Variants in SSBP3 observed in about 807,000 individuals in gnomAD.
SSBP3 encodes single-stranded DNA-binding protein 3.
A neutral mutation model predicts 69.6 loss-of-function variants in SSBP3; 5 were observed. That is an observed-to-expected ratio of 0.07 (90% CI 0.04 to 0.15). The LOEUF (loss-of-function observed/expected upper bound fraction) is 0.15, where lower values mean the gene tolerates loss of function less well. SSBP3 is among the 10% of genes least tolerant of loss of function. The pLI is 1.00. For missense variants in SSBP3, 312 were observed against 534.0 expected (o/e 0.58, Z 4.10); for synonymous variants, 196 against 193.4 (o/e 1.01, Z -0.11).
chr1:54,263,946 G>A (rs923179588), intron 5 of SSBP3, among the ~76,000 whole-genome samples: 2 of 152,340 alleles, frequency 1.3e-5, no homozygotes, highest in South Asian at 2.1e-4. Flanking sequence ...AAGATTCTTG[G>A]AGCTGGATGG....
intron 7 of SSBP3, chr1:54,255,561 C>G (rs1644906975): frequency 6.6e-6 from 1 of 152,156 alleles, no homozygotes; most frequent in Admixed American, 6.5e-5. Flanking sequence ...CAACTCCAGC[C>G]CAGCTCACTT....
intron 4 of SSBP3, among the ~76,000 whole-genome samples, chr1:54,329,442 T>G (rs1646368799): frequency 6.6e-6 from 1 of 152,226 alleles, no homozygotes; most frequent in Non-Finnish European, 1.5e-5. Context: ...TTACTGCATG[T>G]GACAGTCCCA....
intron 17 of SSBP3, 26 bp from the exon 18 acceptor site, chr1:54,227,186 G>GTC: frequency 1.7e-6 from 2 of 1,143,792 alleles, no homozygotes; most frequent in Non-Finnish European, 2.6e-6. Context: ...AGAGAAGGGG[G>GTC]GGGGGTGAGG....
intron 4 of SSBP3, among the ~76,000 whole-genome samples, chr1:54,297,874 C>A (rs1352112131): frequency 6.6e-6 from 1 of 152,174 alleles, no homozygotes; most frequent in African/African-American, 2.4e-5. Context: ...AACAACTAAG[C>A]TGCCTGTCTT....
upstream of SSBP3, among the ~76,000 whole-genome samples, chr1:54,406,638 G>A (rs968603003): frequency 2.0e-5 from 3 of 152,030 alleles, no homozygotes; most frequent in African/African-American, 7.2e-5. Context: ...CTGTCGCCGG[G>A]GCGGTGGGCG....
At chr1:54,344,020 G>A (rs1646650661) in intron 4 of SSBP3, among the ~76,000 whole-genome samples, 1 of 152,148 alleles carries the variant, frequency 6.6e-6, no homozygotes, top group Admixed American at 6.5e-5. Context: ...AAGAGATGGT[G>A]GGAAGCTCAG....
chr1:54,240,860 A>T (rs1413738419), intron 13 of SSBP3, 45 bp downstream of exon 13: 7 of 1,611,258 alleles, frequency 4.3e-6, no homozygotes, highest in Non-Finnish European at 5.9e-6. Flanking sequence ...AACATGCCCC[A>T]CCCTCCACCA....
chr1:54,274,905 C>T (rs1386243488), intron 5 of SSBP3, among the ~76,000 whole-genome samples: 1 of 152,008 alleles, frequency 6.6e-6, no homozygotes, highest in Non-Finnish European at 1.5e-5. Context: ...CTGGCACAGG[C>T]TCCCTCTCGC....
chr1:54,279,023 C>G (rs1225825740), intron 5 of SSBP3, among the ~76,000 whole-genome samples: 2 of 152,234 alleles, frequency 1.3e-5, no homozygotes, highest in Non-Finnish European at 2.9e-5. Context: ...GGTTCAGCAT[C>G]ATGGCCAGGA....
chr1:54,401,442 G>GA (rs1320681400), intron 4 of SSBP3, among the ~76,000 whole-genome samples: 1 of 152,072 alleles, frequency 6.6e-6, no homozygotes, highest in Non-Finnish European at 1.5e-5. Flanking sequence ...AGTAGAGCAA[G>GA]AGAGTCCATT....
chr1:54,267,578 G>A (rs142705530), intron 5 of SSBP3, among the ~76,000 whole-genome samples: 1 of 152,250 alleles, frequency 6.6e-6, no homozygotes, highest in Admixed American at 6.5e-5. Flanking sequence ...AAAAGGAAGG[G>A]GATTCTGGAC....
At chr1:54,311,653 G>A (rs1646004698) in intron 4 of SSBP3, among the ~76,000 whole-genome samples, 1 of 152,144 alleles carries the variant, frequency 6.6e-6, no homozygotes, top group Non-Finnish European at 1.5e-5. Context: ...CACTCGGAGG[G>A]GCGGCAGACT....
chr1:54,333,760 A>C (rs1646461135), intron 4 of SSBP3, among the ~76,000 whole-genome samples: 1 of 152,210 alleles, frequency 6.6e-6, no homozygotes, highest in African/African-American at 2.4e-5. Flanking sequence ...GTACACAGTG[A>C]GGGCCATATA....
At chr1:54,275,938 T>C (rs1645275844) in intron 5 of SSBP3, among the ~76,000 whole-genome samples, 1 of 152,136 alleles carries the variant, frequency 6.6e-6, no homozygotes, top group Admixed American at 6.5e-5. Context: ...CAAGTTTCTC[T>C]CCCCTCTTAT....
intron 4 of SSBP3, among the ~76,000 whole-genome samples, chr1:54,390,682 C>T (rs921728986): frequency 2.6e-5 from 4 of 152,206 alleles, no homozygotes; most frequent in East Asian, 1.9e-4. Context: ...TCGGAGATAA[C>T]GTGGTGGCTG....
intron 4 of SSBP3, among the ~76,000 whole-genome samples, chr1:54,292,772 T>C (rs1478972413): frequency 6.6e-6 from 1 of 152,074 alleles, no homozygotes; most frequent in Non-Finnish European, 1.5e-5. Context: ...TGTGTGTATG[T>C]ACATGTGTCT....
upstream of SSBP3, among the ~76,000 whole-genome samples, chr1:54,409,194 G>A (rs1649925559): frequency 1.3e-5 from 2 of 152,086 alleles, no homozygotes; most frequent in Admixed American, 6.5e-5. Context: ...AATGCTTCCT[G>A]CCTCAGTTCC....
chr1:54,353,030 C>T (rs551790481), intron 4 of SSBP3, among the ~76,000 whole-genome samples: 18 of 152,260 alleles, frequency 1.2e-4, no homozygotes, highest in South Asian at 4.2e-4. Flanking sequence ...GGAGGCGGCC[C>T]GACCGGACAG....
chr1:54,240,103 TGCGTGCGC>T (rs1557449017), intron 13 of SSBP3, among the ~76,000 whole-genome samples: 48 of 22,180 alleles, frequency 2.2e-3, no homozygotes, highest in Non-Finnish European at 8.4e-3. Flanking sequence ...CGCGCGCGTG[TGCGTGCGC>T]GCGCGCGCGC....
Sources: allele counts gnomAD v4.1 joint callset (sites outside exome capture counted in the v4.1 genomes callset), GRCh38; gene constraint gnomAD v4.1.1; transcripts MANE v1.5; gene names NCBI Gene and HGNC (gene_info 2026-07-23, HGNC 2026-07-21).